The following DCDC1 variants were observed in gnomAD, a reference collection of about 807,000 sequenced individuals.
DCDC1 encodes the protein doublecortin domain containing 1.
In DCDC1, 200 loss-of-function variants were observed where a neutral mutation model predicts 178.3. The ratio of observed to expected loss-of-function variants is 1.12; its 90% CI spans 1.00 to 1.26. The LOEUF (loss-of-function observed/expected upper bound fraction) is 1.26. Ranked by LOEUF, DCDC1 falls within the 50% of genes most tolerant of loss-of-function variation. DCDC1 has a pLI of 0.00. For synonymous variants in DCDC1, 690 were observed against 604.8 expected (o/e 1.14, Z -2.07); for missense variants, 1,983 against 1,749.2 (o/e 1.13, Z -2.38).
At chr11:30,901,615 C>A (rs1213232282) in intron 32 of DCDC1, among the ~76,000 whole-genome samples, 4 of 152,054 alleles carry the variant, frequency 2.6e-5, no homozygotes, top group Non-Finnish European at 4.4e-5. Flanking sequence ...TTTAAGGATA[C>A]CCTTTAGAAT....
chr11:30,955,437 C>T (rs1490291198), intron 20 of DCDC1, among the ~76,000 whole-genome samples: 1 of 152,174 alleles, frequency 6.6e-6, no homozygotes, highest in Non-Finnish European at 1.5e-5. Context: ...TATCCAACAT[C>T]TTTTCATTAT....
At chr11:31,091,595 TC>T in intron 16 of DCDC1, 84 bp from the exon 17 acceptor site, 1 of 674,962 alleles carries the variant, frequency 1.5e-6, no homozygotes, top group Non-Finnish European at 2.7e-6. Context: ...AATAGTGAGG[TC>T]ATTATGCCTG....
intron 2 of DCDC1, among the ~76,000 whole-genome samples, chr11:31,329,328 G>A (rs1949831142): frequency 6.6e-6 from 1 of 152,044 alleles, no homozygotes; most frequent in East Asian, 1.9e-4. Context: ...CACCTCTTTA[G>A]TTTCCTACGT....
intron 21 of DCDC1, chr11:30,943,840 T>A (rs934683613): frequency 9.9e-6 from 3 of 303,262 alleles, no homozygotes; most frequent in Admixed American, 4.5e-5. Context: ...GAGGACAGCA[T>A]GAAATCAGTT....
At chr11:31,197,554 G>T (rs1970829186) in intron 9 of DCDC1, among the ~76,000 whole-genome samples, 2 of 152,132 alleles carry the variant, frequency 1.3e-5, no homozygotes, top group South Asian at 2.1e-4. Context: ...TTACCTGAAG[G>T]TCACATCTGT....
At chr11:31,084,702 T>C (rs1410952701) in intron 17 of DCDC1, among the ~76,000 whole-genome samples, 1 of 152,150 alleles carries the variant, frequency 6.6e-6, no homozygotes, top group East Asian at 1.9e-4. Context: ...CTTCCTTCTT[T>C]TCTAGATTAA....
Position 30,986,664 on chromosome 11 carries a change from A to G in DCDC1, c.2592-34096T>C, listed in dbSNP as rs966637482. Among the ~76,000 whole-genome samples, 5 of 152,102 alleles carry G rather than the reference A, an allele frequency of 3.3e-5. No homozygotes were observed. In the East Asian group the frequency reaches 5.8e-4, roughly 18 times the overall value. ...CTACTTTTTATATTAAAGCCAAATT[A>G]TATCTGTACTGGAGACTGGGGTGTT... is the stretch of plus-strand genomic sequence containing the variant. On this transcript the variant is annotated intron_variant, in intron 20 of 38. Coordinates refer to ENST00000684477, the MANE Select transcript of DCDC1 (RefSeq NM_001387274.1).
At chr11:31,352,870 T>C (rs1245681168) in intron 1 of DCDC1, among the ~76,000 whole-genome samples, 1 of 152,200 alleles carries the variant, frequency 6.6e-6, no homozygotes, top group Non-Finnish European at 1.5e-5. Context: ...GCATTTAGAT[T>C]AGATCAGGTT....
chr11:31,306,433 G>A, intron 4 of DCDC1, 45 bp from the exon 5 acceptor site: 1 of 1,531,428 alleles, frequency 6.5e-7, no homozygotes, highest in South Asian at 1.3e-5. Flanking sequence ...GCTAATTAGT[G>A]AAAGCTTTTA....
intron 11 of DCDC1, among the ~76,000 whole-genome samples, chr11:31,118,595 C>T (rs890069231): frequency 6.6e-6 from 1 of 152,042 alleles, no homozygotes; most frequent in Admixed American, 6.6e-5. Context: ...TCAAACACTC[C>T]GTGAAAAAGC....
chr11:31,077,543 A>T (rs1040614632), intron 18 of DCDC1, among the ~76,000 whole-genome samples: 1 of 152,192 alleles, frequency 6.6e-6, no homozygotes, highest in Non-Finnish European at 1.5e-5. Context: ...GACATGTTCA[A>T]CAGTAGTAGA....
intron 11 of DCDC1, among the ~76,000 whole-genome samples, chr11:31,123,905 A>C (rs1445570074): frequency 6.6e-6 from 1 of 152,126 alleles, no homozygotes; most frequent in Non-Finnish European, 1.5e-5. Flanking sequence ...ATTAATTAAA[A>C]TTAAAATTTA....
At chr11:31,039,367 T>C (rs771216683) in intron 20 of DCDC1, among the ~76,000 whole-genome samples, 3 of 152,194 alleles carry the variant, frequency 2.0e-5, no homozygotes, top group African/African-American at 4.8e-5. Flanking sequence ...TAAAATGTAA[T>C]ATGCACAATG....
At chr11:31,133,429 T>C (rs1294069592) in intron 10 of DCDC1, among the ~76,000 whole-genome samples, 2 of 152,130 alleles carry the variant, frequency 1.3e-5, no homozygotes, top group Non-Finnish European at 2.9e-5. Flanking sequence ...AGATGAAACA[T>C]AAAGGAGGCA....
intron 1 of DCDC1, among the ~76,000 whole-genome samples, chr11:31,350,357 T>G (rs1951010955): frequency 6.6e-6 from 1 of 152,056 alleles, no homozygotes; most frequent in Non-Finnish European, 1.5e-5. Context: ...TATAAATTAT[T>G]TTAGTTCTAC....
rs182685491 is a variant in DCDC1, at chr11:31,217,382, T to C, written c.1221+24068A>G. Among the ~76,000 whole-genome samples the C allele has an allele frequency of 2.6e-5, 4 of 152,316 alleles. No individual in the cohort carries two copies. The East Asian group carries it at 7.7e-4, about 29-fold the overall frequency. The stretch of plus-strand genomic sequence containing the variant: ...AAAACTAAGTTTTTAGATACTCTGA[T>C]CTGGAGGACTATAAACAACTCCGGT... On this transcript the variant is annotated intron_variant, in intron 9 of 38. Coordinates refer to ENST00000684477, the MANE Select transcript of DCDC1 (RefSeq NM_001387274.1).
chr11:31,196,283 C>A (rs1169656167), intron 9 of DCDC1, among the ~76,000 whole-genome samples: 1 of 151,980 alleles, frequency 6.6e-6, no homozygotes, highest in African/African-American at 2.4e-5. Context: ...CTACACCAAC[C>A]AATCCTCCAA....
At chr11:31,144,184 GAGTGC>G (rs1175251633) in intron 9 of DCDC1, among the ~76,000 whole-genome samples, 3 of 152,092 alleles carry the variant, frequency 2.0e-5, no homozygotes, top group Admixed American at 2.0e-4. Flanking sequence ...GTCCAGGCTA[GAGTGC>G]AGTGGTACAA....
chr11:30,911,623 G>A (rs1945454385), intron 27 of DCDC1, among the ~76,000 whole-genome samples: 1 of 152,206 alleles, frequency 6.6e-6, no homozygotes, highest in Non-Finnish European at 1.5e-5. Flanking sequence ...GCAGGATGAA[G>A]GGGCTCTCCT....
Sources: allele counts gnomAD v4.1 joint callset (sites outside exome capture counted in the v4.1 genomes callset), GRCh38; gene constraint gnomAD v4.1.1; transcripts MANE v1.5; gene names NCBI Gene and HGNC (gene_info 2026-07-23, HGNC 2026-07-21).